The following MTHFD1L variants were observed in gnomAD, a reference collection of about 807,000 sequenced individuals.
The protein encoded by MTHFD1L is monofunctional C1-tetrahydrofolate synthase, mitochondrial.
Under a neutral mutation model 119.5 loss-of-function variants are expected in MTHFD1L, and 81 were observed. That is an observed-to-expected ratio of 0.68 (90% CI 0.57 to 0.82). The LOEUF (loss-of-function observed/expected upper bound fraction) is 0.82. MTHFD1L is among the 40% of genes least tolerant of loss of function. MTHFD1L has a pLI of 0.00. For missense variants in MTHFD1L, 1,125 were observed against 1,253.4 expected (o/e 0.90, Z 1.55); for synonymous variants, 430 against 475.2 (o/e 0.90, Z 1.24).
chr6:151,088,807 T>C (rs900264275), intron 26 of MTHFD1L, among the ~76,000 whole-genome samples: 1 of 152,084 alleles, frequency 6.6e-6, no homozygotes, highest in African/African-American at 2.4e-5. Context: ...GACTAGAAGA[T>C]TCATGTTCCG....
intron 1 of MTHFD1L, among the ~76,000 whole-genome samples, chr6:150,872,924 A>G (rs1025107971): frequency 3.3e-5 from 5 of 151,970 alleles, no homozygotes; most frequent in Non-Finnish European, 5.9e-5. Context: ...AGCCTCCCAA[A>G]GTGCTGGGAT....
chr6:150,866,724 T>G, intron 1 of MTHFD1L: 1 of 1,083,436 alleles, frequency 9.2e-7, no homozygotes, highest in Non-Finnish European at 1.1e-6. Flanking sequence ...GCCCACGGAG[T>G]CCCCGCGCAG....
intron 26 of MTHFD1L, among the ~76,000 whole-genome samples, chr6:151,083,696 T>A (rs1013217421): frequency 3.9e-5 from 6 of 152,250 alleles, no homozygotes; most frequent in Non-Finnish European, 8.8e-5. Flanking sequence ...GATTTTTTTT[T>A]AATTTTTGAC....
intron 26 of MTHFD1L, among the ~76,000 whole-genome samples, chr6:151,091,123 T>C (rs1394412597): frequency 3.8e-3 from 341 of 89,638 alleles, no homozygotes; most frequent in Middle Eastern, 8.8e-3. Flanking sequence ...AGCATCGTTC[T>C]ATGTGACTGG....
intron 26 of MTHFD1L, among the ~76,000 whole-genome samples, chr6:151,081,197 T>G (rs900137065): frequency 4.6e-5 from 7 of 152,178 alleles, no homozygotes; most frequent in Non-Finnish European, 7.3e-5. Flanking sequence ...TTTAATTACG[T>G]CACAGGGTAG....
At chr6:150,977,475 G>A (rs1389821241) in intron 20 of MTHFD1L, among the ~76,000 whole-genome samples, 1 of 152,130 alleles carries the variant, frequency 6.6e-6, no homozygotes, top group African/African-American at 2.4e-5. Context: ...AGTCCTCATG[G>A]GAGTTCACCT....
intron 20 of MTHFD1L, among the ~76,000 whole-genome samples, chr6:150,998,995 A>AAAAAAAAAAATGTATATAT (rs986639098): frequency 0.083 from 11,877 of 142,656 alleles, 761 homozygotes; most frequent in Middle Eastern, 0.17. Context: ...GTCTTAAAAA[A>AAAAAAAAAAATGTATATAT]ATATATATAC....
At chr6:151,014,186 G>A (rs3798753) in intron 22 of MTHFD1L, among the ~76,000 whole-genome samples, 11,582 of 152,204 alleles carry the variant, frequency 0.076, 1,147 homozygotes, top group East Asian at 0.57. Context: ...CAGCCTGGAC[G>A]ACAGAGTGAG....
chr6:150,936,933 A>G lies in MTHFD1L; in HGVS notation c.1386A>G (p.Gly462=), dbSNP rs1639979463. 1 of 1,614,090 alleles carries G rather than the reference A, an allele frequency of 6.2e-7. No homozygotes were observed. The highest frequency in any genetic ancestry group is 8.5e-7 in the Non-Finnish European group (1 of 1,179,986). The change falls in exon 12 of 28, where the codon GGA becomes GGG. Residue 462 remains glycine (G), a synonymous_variant. Coordinates refer to ENST00000367321, the MANE Select transcript of MTHFD1L (RefSeq NM_015440.5). Reference sequence around the variant, plus strand: ...AGCCTTCCCAAGGACCGACGTTTGGAGTGAAAGGTACTGTCTTTAACAACT... The same window carrying G: ...AGCCTTCCCAAGGACCGACGTTTGGGGTGAAAGGTACTGTCTTTAACAACT... ...LRQPSQGPTF[G]VKGGAAGGGY... is the part of the protein sequence containing the mutation.
chr6:150,898,666 A>G (rs1784639245), intron 7 of MTHFD1L, among the ~76,000 whole-genome samples: 2 of 152,002 alleles, frequency 1.3e-5, no homozygotes, highest in African/African-American at 4.8e-5. Flanking sequence ...CTGCAACTTG[A>G]GCATTTCCTT....
At chr6:150,936,470 T>A (rs1487929705) in intron 11 of MTHFD1L, among the ~76,000 whole-genome samples, 1 of 152,228 alleles carries the variant, frequency 6.6e-6, no homozygotes, top group Non-Finnish European at 1.5e-5. Context: ...GAACAACTGC[T>A]ATATACTCAT....
At chr6:151,000,301 C>A (rs1447636562) in intron 20 of MTHFD1L, among the ~76,000 whole-genome samples, 1 of 149,144 alleles carries the variant, frequency 6.7e-6, no homozygotes, top group Non-Finnish European at 1.5e-5. Context: ...CGTGCCACTG[C>A]ACTCCAGCCT....
chr6:151,087,793 A>G (rs1314126873), intron 26 of MTHFD1L, among the ~76,000 whole-genome samples: 2 of 152,242 alleles, frequency 1.3e-5, no homozygotes, highest in African/African-American at 4.8e-5. Flanking sequence ...TTTCTCCAAA[A>G]TGGAGTTAAC....
chr6:150,942,132 G>A (rs532266614), intron 13 of MTHFD1L, among the ~76,000 whole-genome samples: 6 of 152,082 alleles, frequency 3.9e-5, no homozygotes, highest in Admixed American at 6.6e-5. Context: ...GGTGGCAGGC[G>A]CCTGTAATCC....
chr6:151,073,923 C>T (rs902527826), intron 26 of MTHFD1L, among the ~76,000 whole-genome samples: 1 of 151,944 alleles, frequency 6.6e-6, no homozygotes, highest in Non-Finnish European at 1.5e-5. Flanking sequence ...ATGGGCAAAA[C>T]GTTTTCAAAT....
chr6:151,091,046 CCCATGCGACTGGGTGCAGCATCGTT>C (rs1794364442), intron 26 of MTHFD1L, among the ~76,000 whole-genome samples: 68 of 76,830 alleles, frequency 8.9e-4, no homozygotes, highest in African/African-American at 2.9e-3. Context: ...GCAGCATCGC[CCCATGCGACTGGGTGCAGCATCGTT>C]CCATGCGACT....
chr6:150,985,890 A>G (rs1778234308), intron 20 of MTHFD1L, among the ~76,000 whole-genome samples: 1 of 152,110 alleles, frequency 6.6e-6, no homozygotes, highest in Non-Finnish European at 1.5e-5. Context: ...CCAACGTGAA[A>G]ATTGTCGACA....
At chr6:151,037,162 C>T (rs183884942) in intron 26 of MTHFD1L, 45 bp downstream of exon 26, 3 of 1,602,394 alleles carry the variant, frequency 1.9e-6, no homozygotes, top group South Asian at 2.2e-5. Flanking sequence ...TTCTGCATTG[C>T]TGTGGTGCCT....
chr6:151,041,628 G>T lies in MTHFD1L; in HGVS notation c.2847+4511G>T, dbSNP rs143434540. On this transcript the variant is annotated intron_variant, in intron 26 of 27. Coordinates refer to ENST00000367321, the MANE Select transcript of MTHFD1L (RefSeq NM_015440.5). ...GTGAATTATTAAATGCCTACAGCAC[G>T]CAGGGCCATCAGCCCCACAGCTATG... 152 of 351,030 alleles carry T rather than the reference G, an allele frequency of 4.3e-4. 1 individual carries two copies. The highest frequency in any genetic ancestry group is 1.6e-3 in the Middle Eastern group (4 of 2,472). The allele number at this position is 351,030 out of a possible 1,614,324, so 21.7% of individuals were successfully genotyped here.
Sources: gnomAD v4.1 joint callset for allele counts (sites outside exome capture counted in the v4.1 genomes callset) on GRCh38, gnomAD v4.1.1 for gene constraint, MANE v1.5 for transcripts, NCBI Gene and HGNC (gene_info 2026-07-23, HGNC 2026-07-21) for gene names.